Variants in TMEM156 observed in about 807,000 individuals in gnomAD.
TMEM156 encodes the protein transmembrane protein 156.
Under a neutral mutation model 30.5 loss-of-function variants are expected in TMEM156, and 28 were observed. The ratio of observed to expected loss-of-function variants is 0.92; its 90% CI spans 0.68 to 1.26. The LOEUF (loss-of-function observed/expected upper bound fraction) is 1.26, where lower values mean the gene tolerates loss of function less well. Among genes scored for constraint, TMEM156 ranks in the 50% most tolerant of loss-of-function variants. The pLI, the probability that TMEM156 is intolerant of heterozygous loss-of-function variation, is 0.00. For missense variants in TMEM156, 351 were observed against 340.6 expected (o/e 1.03, Z -0.24); for synonymous variants, 137 against 119.9 (o/e 1.14, Z -0.93).
chr4:38,981,353 C>A (rs1237108349), intron 5 of TMEM156, among the ~76,000 whole-genome samples: 1 of 152,158 alleles, frequency 6.6e-6, no homozygotes, highest in African/African-American at 2.4e-5. Flanking sequence ...ACTCCATTTT[C>A]TTTTGCTTCG....
In TMEM156 at chr4:38,998,684, G is replaced by A. The variant is rs1441695645; in HGVS notation, c.314C>T (p.Ser105Phe). Residue 105 changes from serine to phenylalanine, a missense_variant, in exon 2 of 7, where the codon TCT becomes TTT. Ser to Phe is a radical substitution (Grantham distance 155). Transcript: ENST00000381938. ...AGAAATAAAATCCATGTTTCCTTTA[G>A]ACTCACAAACCAAACACGAGGAGCA... ...KMCSSCLVCE[S>F]KGNMDFISQE... The A allele has an allele frequency of 2.5e-6, 4 of 1,612,714 alleles. No homozygotes were observed. Among genetic ancestry groups the A allele is most frequent in the Non-Finnish European group, 3.4e-6 (4 of 1,179,428 alleles).
chr4:38,997,348 G>A (rs576882536), intron 2 of TMEM156, among the ~76,000 whole-genome samples: 6 of 152,268 alleles, frequency 3.9e-5, no homozygotes, highest in Non-Finnish European at 7.4e-5. Flanking sequence ...GGTGATGGGC[G>A]CACTAGAAGC....
At chr4:38,974,674 A>T (rs1489467129) in intron 5 of TMEM156, among the ~76,000 whole-genome samples, 1 of 144,138 alleles carries the variant, frequency 6.9e-6, no homozygotes, top group African/African-American at 2.6e-5. Context: ...ATTAAAAGTA[A>T]TTTTTTTTTT....
chr4:38,992,714 A>ATATAT lies in TMEM156; in HGVS notation c.619+1019_619+1023dup, dbSNP rs1560366899. Among the ~76,000 whole-genome samples, 414 of 44,812 alleles carry ATATAT rather than the reference A, an allele frequency of 9.2e-3. 4 individuals carry two copies. Among genetic ancestry groups the ATATAT allele is most frequent in the African/African-American group, 0.028 (390 of 13,784 alleles). 29.4% of individuals were successfully genotyped at this position (44,812 alleles called of 152,430 possible). A position where few individuals can be genotyped will look rare whatever the true frequency, so the allele number is the denominator to read the frequency against. On this transcript the variant is annotated intron_variant, in intron 3 of 6. Transcript: ENST00000381938. ...ATATATTATATAATATATATATATTATATATATATAATATATATATAATAT... is the reference window on the plus strand; with the variant it reads ...ATATATTATATAATATATATATATTATATATTATATATATAATATATATATAATAT...
At chr4:39,001,229 AAG>A (rs1491013097) in intron 1 of TMEM156, among the ~76,000 whole-genome samples, 4 of 149,724 alleles carry the variant, frequency 2.7e-5, no homozygotes, top group Non-Finnish European at 4.5e-5. Context: ...AAAAAAAAAA[AAG>A]AAAAAATTAG....
chr4:39,017,332 G>T (rs892609108), intron 1 of TMEM156, among the ~76,000 whole-genome samples: 1 of 151,492 alleles, frequency 6.6e-6, no homozygotes, highest in Non-Finnish European at 1.5e-5. Flanking sequence ...CCGCCACCAC[G>T]CCTGGCTAAT....
chr4:38,985,601 T>C (rs1216616487), intron 5 of TMEM156, among the ~76,000 whole-genome samples: 2 of 152,196 alleles, frequency 1.3e-5, no homozygotes, highest in Non-Finnish European at 1.5e-5. Flanking sequence ...TCCTTTTTTT[T>C]CTAACTTCTC....
chr4:38,973,876 GT>G (rs1431450158), intron 5 of TMEM156, among the ~76,000 whole-genome samples: 3 of 152,066 alleles, frequency 2.0e-5, no homozygotes, highest in Non-Finnish European at 4.4e-5. Context: ...AAGGAAGTAT[GT>G]ATTTGTCTTA....
At chr4:38,990,721 G>A (rs1266734386) in intron 3 of TMEM156, among the ~76,000 whole-genome samples, 6 of 151,836 alleles carry the variant, frequency 4.0e-5, no homozygotes, top group African/African-American at 1.5e-4. Flanking sequence ...GAGTAAATTT[G>A]CCAGACTGGA....
At chr4:39,026,893 C>T (rs532507362) in intron 1 of TMEM156, among the ~76,000 whole-genome samples, 9 of 152,188 alleles carry the variant, frequency 5.9e-5, no homozygotes, top group African/African-American at 2.2e-4. Context: ...CGCCACTGCA[C>T]TCCAGCCTGG....
At chr4:39,015,001 T>C (rs746401670) in intron 1 of TMEM156, among the ~76,000 whole-genome samples, 1 of 152,186 alleles carries the variant, frequency 6.6e-6, no homozygotes, top group East Asian at 1.9e-4. Context: ...GTTTCTTTAA[T>C]TGTTGTAAAA....
intron 6 of TMEM156, among the ~76,000 whole-genome samples, chr4:38,969,706 C>T (rs1245796133): frequency 1.3e-5 from 2 of 152,204 alleles, no homozygotes; most frequent in Admixed American, 1.3e-4. Flanking sequence ...GATCTTCCTG[C>T]CTCAGCCTCC....
At chr4:39,016,067 C>T (rs528066488) in intron 1 of TMEM156, among the ~76,000 whole-genome samples, 2 of 152,232 alleles carry the variant, frequency 1.3e-5, no homozygotes, top group African/African-American at 4.8e-5. Context: ...TTTATCCATA[C>T]AAATAGTCCT....
intron 4 of TMEM156, among the ~76,000 whole-genome samples, chr4:38,988,392 T>G (rs1217157114): frequency 6.6e-6 from 1 of 151,814 alleles, no homozygotes; most frequent in East Asian, 1.9e-4. Context: ...CCTGGCTAAT[T>G]TTTGTATTTT....
chr4:38,986,110 C>G (rs1201034878), intron 5 of TMEM156, among the ~76,000 whole-genome samples: 1 of 152,182 alleles, frequency 6.6e-6, no homozygotes, highest in Non-Finnish European at 1.5e-5. Flanking sequence ...TTTCTTCTTG[C>G]CAATTAAGCA....
At chr4:39,017,686 C>A (rs1353621797) in intron 1 of TMEM156, among the ~76,000 whole-genome samples, 2 of 152,066 alleles carry the variant, frequency 1.3e-5, no homozygotes, top group African/African-American at 4.8e-5. Flanking sequence ...TTAAAGCTAT[C>A]TTTGTTGGGG....
In TMEM156 at chr4:38,998,896, C is replaced by T; in HGVS notation, c.102G>A (p.Glu34=). 1.9e-5 allele frequency: 31 copies of T among 1,604,750 alleles called. No homozygotes were observed. Among genetic ancestry groups the T allele is most frequent in the Non-Finnish European group, 2.6e-5 (31 of 1,176,664 alleles). Residue 34 remains glutamate (E), a synonymous_variant, in exon 2 of 7, where the codon GAG becomes GAA. Coordinates refer to ENST00000381938, the MANE Select transcript of TMEM156 (RefSeq NM_024943.3). ...YFKTPKERTL[E]LSCLEVCLQS... is the part of the protein sequence containing the mutation. ...GCAAACACACTTCCAGACATGATAGCTCCAATGTTCTTTCTGTAAAGAAAA... is the reference window on the plus strand; with the variant it reads ...GCAAACACACTTCCAGACATGATAGTTCCAATGTTCTTTCTGTAAAGAAAA...
intron 1 of TMEM156, among the ~76,000 whole-genome samples, chr4:39,025,671 A>G (rs1173374295): frequency 1.3e-5 from 2 of 152,202 alleles, no homozygotes; most frequent in East Asian, 3.8e-4. Context: ...GAGACATAGG[A>G]GACTGCTCAT....
intron 5 of TMEM156, among the ~76,000 whole-genome samples, chr4:38,975,722 A>C (rs566616002): frequency 6.6e-6 from 1 of 152,126 alleles, no homozygotes; most frequent in Admixed American, 6.5e-5. Context: ...TCATTCTAAG[A>C]TAGTCCCCAG....
Sources: allele counts gnomAD v4.1 joint callset (sites outside exome capture counted in the v4.1 genomes callset), GRCh38; gene constraint gnomAD v4.1.1; transcripts MANE v1.5; gene names NCBI Gene and HGNC (gene_info 2026-07-23, HGNC 2026-07-21).